CDIPT: variants seen among roughly 807,000 people sequenced by gnomAD.
CDIPT encodes the protein CDP-diacylglycerol--inositol 3-phosphatidyltransferase.
CDIPT carries 17 observed loss-of-function variants against 21.6 expected under a neutral mutation model. That is an observed-to-expected ratio of 0.79 (90% CI 0.54 to 1.18). The LOEUF (loss-of-function observed/expected upper bound fraction) is 1.18. CDIPT is among the 50% of genes most tolerant of loss of function. The pLI is 0.00. For missense variants in CDIPT, 254 were observed against 284.9 expected, an observed-to-expected ratio of 0.89 and a Z score of 0.78; for synonymous variants, 119 against 117.9, an observed-to-expected ratio of 1.01 and a Z score of -0.06.
chr16:29,860,626 G>C lies in CDIPT; in HGVS notation c.369C>G (p.Ile123Met). 1 of 1,613,108 alleles carries C rather than the reference G, an allele frequency of 6.2e-7. No homozygotes were observed. The highest frequency in any genetic ancestry group is 8.5e-7 in the Non-Finnish European group (1 of 1,179,272). The change falls in exon 4 of 6, where the codon ATC (isoleucine) becomes ATG (methionine). Residue 123 changes from isoleucine to methionine, a missense_variant. Transcript: ENST00000219789. Reference sequence around the variant, plus strand: ...GAAGCACCGGATTCCCGGACAAGTCGATCATCTTGTGACTCTCACTGCCTC... The same window carrying C: ...GAAGCACCGGATTCCCGGACAAGTCCATCATCTTGTGACTCTCACTGCCTC... ...VVRGSESHKM[I>M]DLSGNPVLRI...
At chr16:29,860,465 G>A (rs2067670724) in intron 4 of CDIPT, 116 bp downstream of exon 4, 1 of 690,646 alleles carries the variant, frequency 1.4e-6, no homozygotes, top group South Asian at 1.6e-5. Context: ...TCCTCCTGGA[G>A]TGACTGGGCA....
Position 29,860,583 on chromosome 16 carries a change from T to C in CDIPT, c.412A>G (p.Arg138Gly), listed in dbSNP as rs768650553. Residue 138 changes from arginine to glycine, a missense_variant and splice_region_variant, in exon 4 of 6, where the codon AGG (arginine) becomes GGG (glycine). By Grantham distance (125) the Arg-to-Gly change is moderately radical. Coordinates refer to ENST00000219789, the MANE Select transcript of CDIPT (RefSeq NM_006319.5). ...NPVLRIYYTSRPALFTLCAGN... is the reference protein window; with the variant it reads ...NPVLRIYYTSGPALFTLCAGN... The stretch of plus-strand genomic sequence containing the variant: ...TGGGGTGTGCAGGAAATGCTTACCC[T>C]CGAGGTGTAGTAGATCCGAAGCACC... The C allele has an allele frequency of 6.2e-7, 1 of 1,603,332 alleles. No individual in the cohort carries two copies. The highest frequency in any genetic ancestry group is 1.1e-5 in the South Asian group (1 of 90,718).
chr16:29,860,696 C>T, intron 3 of CDIPT, 34 bp from the exon 4 acceptor site: 1 of 1,247,188 alleles, frequency 8.0e-7, no homozygotes, highest in Non-Finnish European at 1.2e-6. Context: ...CACAAGGTTT[C>T]ATGACCACTA....
At chr16:29,860,450 G>A in intron 4 of CDIPT, 131 bp downstream of exon 4, 1 of 647,098 alleles carries the variant, frequency 1.5e-6, no homozygotes, top group Non-Finnish European at 2.8e-6. Flanking sequence ...TCAGCTTACG[G>A]GCCCTCCTCC....
rs1384563000 is a variant in CDIPT, at chr16:29,862,148, C to T, written c.178+438G>A. On this transcript the variant is annotated intron_variant, in intron 2 of 5. Transcript: ENST00000219789. This position sits in a 1 kb window ranked among gnomAD's most constrained non-coding sequence, Gnocchi z 6.7. ...GAGCTAGCTTAAATTCCTTTTGCTA[C>T]AAAATCAGTCCATTCTTGCTGGGCG... is the stretch of plus-strand genomic sequence containing the variant. Among the ~76,000 whole-genome samples, 1 of 152,218 alleles carries T rather than the reference C, an allele frequency of 6.6e-6. No individual in the cohort carries two copies. Among genetic ancestry groups the T allele is most frequent in the East Asian group, 1.9e-4 (1 of 5,204 alleles).
At position 29,862,877 on chromosome 16, in the gene CDIPT, C is replaced by T; in HGVS notation, c.-20G>A. On this transcript the variant is annotated 5_prime_UTR_variant, in exon 1 of 6. Transcript: ENST00000219789. This position sits in a 1 kb window ranked among gnomAD's most constrained non-coding sequence, Gnocchi z 6.7. Reference sequence around the variant, plus strand: ...TGGCATCGCGGCGCCTCCCTTGCTGCCCCGGGCCTGCTCTGGAGATGCCAG... The same window carrying T: ...TGGCATCGCGGCGCCTCCCTTGCTGTCCCGGGCCTGCTCTGGAGATGCCAG... The T allele has an allele frequency of 1.9e-6, 3 of 1,613,112 alleles. No homozygotes were observed. Among genetic ancestry groups the T allele is most frequent in the Non-Finnish European group, 2.5e-6 (3 of 1,179,822 alleles).
intron 2 of CDIPT, 26 bp from the exon 3 acceptor site, chr16:29,861,285 G>C (rs749785451): frequency 1.4e-5 from 22 of 1,613,566 alleles, no homozygotes; most frequent in Non-Finnish European, 1.7e-5. Flanking sequence ...GGCAAGGGCT[G>C]TTATGGCACA....
Position 29,862,760 on chromosome 16 carries a change from GC to G in CDIPT, c.44-41del, listed in dbSNP as rs1365432915. 2 of 1,613,600 alleles carry G rather than the reference GC, an allele frequency of 1.2e-6. No homozygotes were observed. Among genetic ancestry groups the G allele is most frequent in the Admixed American group, 1.7e-5 (1 of 59,974 alleles). On this transcript the variant is annotated intron_variant, in intron 1 of 5. Coordinates refer to ENST00000219789, the MANE Select transcript of CDIPT (RefSeq NM_006319.5). The surrounding 1 kb of genome is among the most constrained non-coding windows in gnomAD (Gnocchi z 6.7). ...CGGGGAGACAGGGCAGGATCAGGGA[GC>G]CCGCCAAGGCCCCTCGCCCTCTCGT... is the stretch of plus-strand genomic sequence containing the variant.
chr16:29,862,716 A>G lies in CDIPT; in HGVS notation c.48T>C (p.Tyr16=). ...IFLFVPNLIG[Y]ARIVFAIISF... is the part of the protein sequence containing the mutation. Reference sequence around the variant, plus strand: ...AAATGATGGCGAAGACAATCCGGGCATAACCTTGGAACGGGACGCGGGGAG... The same window carrying G: ...AAATGATGGCGAAGACAATCCGGGCGTAACCTTGGAACGGGACGCGGGGAG... The change falls in exon 2 of 6, where the codon TAT becomes TAC. Residue 16 remains tyrosine, a synonymous_variant. Transcript: ENST00000219789. The surrounding 1 kb of genome is among the most constrained non-coding windows in gnomAD (Gnocchi z 6.7). 6.2e-7 allele frequency: 1 copy of G among 1,614,094 alleles called. No homozygotes were observed. Among genetic ancestry groups the G allele is most frequent in the Non-Finnish European group, 8.5e-7 (1 of 1,179,960 alleles).
rs917465001 is a variant in CDIPT, at chr16:29,859,848, T to C, written c.415-325A>G. ...TGGCGAAACCCCTCTCTACTAACAA[T>C]ACAAAAATTAGCCGAGTGTGGTGGC... is the stretch of plus-strand genomic sequence containing the variant. On this transcript the variant is annotated intron_variant, in intron 4 of 5. Transcript: ENST00000219789. This position sits in a 1 kb window ranked among gnomAD's most constrained non-coding sequence, Gnocchi z 4.5. 5.9e-5 allele frequency among the ~76,000 whole-genome samples: 9 copies of C among 151,516 alleles called. No homozygotes were observed. The highest frequency in any genetic ancestry group is 1.3e-4 in the Admixed American group (2 of 15,188).
At chr16:29,860,960 G>A in intron 3 of CDIPT, 146 bp downstream of exon 3, 1 of 733,596 alleles carries the variant, frequency 1.4e-6, no homozygotes, top group Non-Finnish European at 2.2e-6. Flanking sequence ...AGAGAGGCAG[G>A]TTTGCCTGGG....
chr16:29,862,950 C>G lies in CDIPT; in HGVS notation c.-93G>C. 1 of 1,442,276 alleles carries G rather than the reference C, an allele frequency of 6.9e-7. No individual in the cohort carries two copies. Among genetic ancestry groups the G allele is most frequent in the Non-Finnish European group, 9.7e-7 (1 of 1,027,918 alleles). 89.3% of individuals were successfully genotyped at this position (1,442,276 alleles called of 1,614,324 possible). A position where few individuals can be genotyped will look rare whatever the true frequency, so the allele number is the denominator to read the frequency against. ...GGCCTCAGCCTCCGGCCCGGCGCATCGGCCGCACCACCTGCGCCCTGGACC... is the reference window on the plus strand; with the variant it reads ...GGCCTCAGCCTCCGGCCCGGCGCATGGGCCGCACCACCTGCGCCCTGGACC... On this transcript the variant is annotated 5_prime_UTR_variant, in exon 1 of 6. Coordinates refer to ENST00000219789, the MANE Select transcript of CDIPT (RefSeq NM_006319.5). This position sits in a 1 kb window ranked among gnomAD's most constrained non-coding sequence, Gnocchi z 6.7.
intron 2 of CDIPT, chr16:29,861,460 G>C (rs1292042329): frequency 1.3e-6 from 2 of 1,537,222 alleles, no homozygotes; most frequent in Admixed American, 2.0e-5. Flanking sequence ...AAAGGCATGA[G>C]AGTGGAGGGA....
chr16:29,860,809 CAGA>C, intron 3 of CDIPT, 147 bp from the exon 4 acceptor site: 1 of 649,194 alleles, frequency 1.5e-6, no homozygotes, highest in East Asian at 2.7e-5. Context: ...TATTTGGGGG[CAGA>C]GTCAGGATTC....
chr16:29,862,310 T>C lies in CDIPT; in HGVS notation c.178+276A>G, dbSNP rs1488232958. ...GGTGGCACGCTCCTGTAGTCCCAGC[T>C]AGTCAGGAGGCTGAGGTGGGAGGAT... On this transcript the variant is annotated intron_variant, in intron 2 of 5. Transcript: ENST00000219789. This position sits in a 1 kb window ranked among gnomAD's most constrained non-coding sequence, Gnocchi z 6.7. Among the ~76,000 whole-genome samples the C allele has an allele frequency of 6.6e-6, 1 of 152,074 alleles. No homozygotes were observed. The highest frequency in any genetic ancestry group is 1.5e-5 in the Non-Finnish European group (1 of 68,020).
chr16:29,861,967 G>A (rs992536473), intron 2 of CDIPT, among the ~76,000 whole-genome samples: 65 of 152,040 alleles, frequency 4.3e-4, no homozygotes, highest in African/African-American at 1.4e-3. Flanking sequence ...TCCTGAACTC[G>A]TGATCCACCC....
rs375184092 is a variant in CDIPT, at chr16:29,860,601, G to A, written c.394C>T (p.Arg132Trp). 1.4e-5 allele frequency: 22 copies of A among 1,611,542 alleles called. No individual in the cohort carries two copies. Among genetic ancestry groups the A allele is most frequent in the East Asian group, 2.2e-5 (1 of 44,874 alleles). ...MIDLSGNPVL[R>W]IYYTSRPALF... ...CTTACCCTCGAGGTGTAGTAGATCC[G>A]AAGCACCGGATTCCCGGACAAGTCG... Residue 132 changes from arginine (R) to tryptophan (W), a missense_variant, in exon 4 of 6, where the codon CGG becomes TGG. By Grantham distance (101) the Arg-to-Trp change is moderately radical. Transcript: ENST00000219789.
At chr16:29,860,517 G>T in intron 4 of CDIPT, 64 bp downstream of exon 4, 3 of 1,093,682 alleles carry the variant, frequency 2.7e-6, no homozygotes, top group East Asian at 2.4e-5. Context: ...GCTAGGACCA[G>T]GATTCAGCCC....
rs2067653995 is a variant in CDIPT at position 29,858,798 on chromosome 16, A to G, written c.*391T>C. ...GTGGATGGCTTCTTCCCTCCTGGGC[A>G]TGGTGCCCCAAGCTTGCTCTGGCTG... is the stretch of plus-strand genomic sequence containing the variant. On this transcript the variant is annotated 3_prime_UTR_variant, in exon 6 of 6. Transcript: ENST00000219789. 1 of 207,080 alleles carries G rather than the reference A, an allele frequency of 4.8e-6. No individual in the cohort carries two copies. Among genetic ancestry groups the G allele is most frequent in the African/African-American group, 2.4e-5 (1 of 42,350 alleles). The allele number at this position is 207,080 out of a possible 1,614,324, so 12.8% of individuals were successfully genotyped here. A position where few individuals can be genotyped will look rare whatever the true frequency, so the allele number is the denominator to read the frequency against.
Sources: gnomAD v4.1 joint callset for allele counts (sites outside exome capture counted in the v4.1 genomes callset) on GRCh38, gnomAD v4.1.1 for gene constraint, Gnocchi (gnomAD v3.1) non-coding constraint, MANE v1.5 for transcripts, NCBI Gene and HGNC (gene_info 2026-07-23, HGNC 2026-07-21) for gene names.